The following C7orf78 variants were observed in gnomAD, a reference collection of about 807,000 sequenced individuals.
C7orf78 encodes the protein chromosome 7 open reading frame 78.
At chr7:12,486,964 A>G in the C7orf78 span, 1 of 150,740 alleles carries the variant, frequency 6.6e-6, no homozygotes, top group African/African-American at 2.4e-5. Context: ...TTTTTTTCAG[A>G]GACTAACTTC....
the C7orf78 span, among the ~76,000 whole-genome samples, chr7:12,493,338 T>A: frequency 1.5e-4 from 23 of 152,356 alleles, no homozygotes; most frequent in African/African-American, 5.1e-4. Flanking sequence ...TGTAGGAATG[T>A]GTGCAATGAT....
the C7orf78 span, among the ~76,000 whole-genome samples, chr7:12,536,686 A>G: frequency 8.5e-5 from 13 of 152,112 alleles, no homozygotes; most frequent in Non-Finnish European, 1.8e-4. Flanking sequence ...TTCCCTTATA[A>G]AACTGAATGC....
the C7orf78 span, among the ~76,000 whole-genome samples, chr7:12,518,897 G>T: frequency 6.6e-6 from 1 of 152,172 alleles, no homozygotes; most frequent in Non-Finnish European, 1.5e-5. Flanking sequence ...TCTGGGAAGT[G>T]AATATTTAAT....
the C7orf78 span, among the ~76,000 whole-genome samples, chr7:12,537,845 A>T: frequency 6.6e-6 from 1 of 152,202 alleles, no homozygotes; most frequent in African/African-American, 2.4e-5. Flanking sequence ...AGCAATAGGG[A>T]TGAGTCTCAC....
At chr7:12,493,068 T>C in the C7orf78 span, among the ~76,000 whole-genome samples, 1 of 152,090 alleles carries the variant, frequency 6.6e-6, no homozygotes, top group African/African-American at 2.4e-5. Flanking sequence ...CCAGACATGG[T>C]GGCACATGCC....
chr7:12,536,996 T>G, the C7orf78 span, among the ~76,000 whole-genome samples: 1 of 152,282 alleles, frequency 6.6e-6, no homozygotes, highest in African/African-American at 2.4e-5. Context: ...CACATTTTCC[T>G]CTCTTCTTCT....
At chr7:12,487,571 GGTTA>G in the C7orf78 span, among the ~76,000 whole-genome samples, 1 of 151,920 alleles carries the variant, frequency 6.6e-6, no homozygotes, top group African/African-American at 2.4e-5. Context: ...TGAAATTTTG[GGTTA>G]GTTCTTTACA....
At chr7:12,497,981 C>G in the C7orf78 span, among the ~76,000 whole-genome samples, 52,668 of 149,492 alleles carry the variant, frequency 0.35, 9,152 homozygotes, top group African/African-American at 0.43. Flanking sequence ...CACACTGACA[C>G]CTCACACTGC....
the C7orf78 span, among the ~76,000 whole-genome samples, chr7:12,525,667 AC>A: frequency 7.9e-5 from 12 of 152,248 alleles, no homozygotes; most frequent in East Asian, 2.3e-3. Context: ...ATTTTCATAA[AC>A]AAGTTTTAAA....
the C7orf78 span, among the ~76,000 whole-genome samples, chr7:12,511,726 T>C: frequency 2.6e-5 from 4 of 152,010 alleles, no homozygotes; most frequent in Admixed American, 6.6e-5. Context: ...GTCTTGTAAC[T>C]GAATTTGGTT....
chr7:12,524,271 G>A, the C7orf78 span, among the ~76,000 whole-genome samples: 6 of 152,138 alleles, frequency 3.9e-5, no homozygotes, highest in Admixed American at 1.3e-4. Flanking sequence ...GAACGAAACA[G>A]TATATGCAAA....
At chr7:12,535,404 C>T in the C7orf78 span, among the ~76,000 whole-genome samples, 1 of 152,146 alleles carries the variant, frequency 6.6e-6, no homozygotes, top group Admixed American at 6.5e-5. Context: ...TCATGAGACC[C>T]ATTCACTATC....
chr7:12,524,102 T>A, the C7orf78 span, among the ~76,000 whole-genome samples: 2 of 152,120 alleles, frequency 1.3e-5, no homozygotes, highest in Admixed American at 6.6e-5. Flanking sequence ...TGTATTCCAG[T>A]GGGAAAATGT....
chr7:12,501,528 T>A, the C7orf78 span, among the ~76,000 whole-genome samples: 71 of 149,214 alleles, frequency 4.8e-4, no homozygotes, highest in Non-Finnish European at 9.8e-4. Context: ...TTACAAGGGA[T>A]GTGAAGGACC....
chr7:12,536,777 C>G, the C7orf78 span, among the ~76,000 whole-genome samples: 1 of 152,174 alleles, frequency 6.6e-6, no homozygotes, highest in African/African-American at 2.4e-5. Flanking sequence ...TTATCTCTCT[C>G]AAGTTCAAAG....
At chr7:12,509,510 A>G in the C7orf78 span, among the ~76,000 whole-genome samples, 2 of 152,212 alleles carry the variant, frequency 1.3e-5, no homozygotes, top group African/African-American at 2.4e-5. Flanking sequence ...TATACTAAAT[A>G]TTGTTGCTAA....
At chr7:12,498,775 A>G in the C7orf78 span, among the ~76,000 whole-genome samples, 2 of 149,280 alleles carry the variant, frequency 1.3e-5, no homozygotes, top group South Asian at 2.1e-4. Flanking sequence ...TCCAAGACAC[A>G]TAATTGTCAG....
chr7:12,529,998 A>G, the C7orf78 span, among the ~76,000 whole-genome samples: 1 of 152,354 alleles, frequency 6.6e-6, no homozygotes, highest in Admixed American at 6.5e-5. Flanking sequence ...TACCTTCCGG[A>G]TGTTGCCACA....
the C7orf78 span, chr7:12,541,394 T>C: frequency 6.6e-6 from 1 of 152,158 alleles, no homozygotes; most frequent in Non-Finnish European, 1.5e-5. Flanking sequence ...AAAGGATGAC[T>C]GTTATGCTGT....
Sources: allele counts gnomAD v4.1 joint callset (sites outside exome capture counted in the v4.1 genomes callset), GRCh38; gene constraint gnomAD v4.1.1; transcripts MANE v1.5; gene names NCBI Gene and HGNC (gene_info 2026-07-23, HGNC 2026-07-21).